The following ANO6 variants were observed in gnomAD, a reference collection of about 807,000 sequenced individuals.
The protein encoded by ANO6 is anoctamin 6, also known as anoctamin-6.
ANO6 carries 106 observed loss-of-function variants against 117.5 expected under a neutral mutation model. The observed-to-expected ratio is 0.90, with a 90% CI of 0.77 to 1.06. ANO6 has a LOEUF of 1.06. Among genes scored for constraint, ANO6 ranks in the 50% least tolerant of loss-of-function variants. ANO6 has a pLI of 0.00. For missense variants in ANO6, 955 were observed against 1,121.1 expected (o/e 0.85, Z 2.12); for synonymous variants, 367 against 385.1 (o/e 0.95, Z 0.55).
intron 1 of ANO6, among the ~76,000 whole-genome samples, chr12:45,245,862 A>G (rs1191516873): frequency 1.3e-5 from 2 of 151,640 alleles, no homozygotes; most frequent in Admixed American, 6.6e-5. Context: ...GCTGATTACT[A>G]TGTCTATAGA....
In ANO6 at chr12:45,409,448, A is replaced by C; in HGVS notation, c.1972A>C (p.Met658Leu). ...GGAACAGGACTACCATCTGCAGCCT[A>C]TGGGCAAACTGGGATTATTTTATGA... The part of the protein sequence containing the change: ...RWEQDYHLQP[M>L]GKLGLFYEYL... The change falls in exon 16 of 20, where the codon ATG becomes CTG. Residue 658 changes from methionine to leucine, a missense_variant. Physicochemically the swap from Met to Leu is conservative, Grantham distance 15. Coordinates refer to ENST00000320560, the MANE Select transcript of ANO6 (RefSeq NM_001025356.3). 1 of 1,614,070 alleles carries C rather than the reference A, an allele frequency of 6.2e-7. No individual in the cohort carries two copies. Among genetic ancestry groups the C allele is most frequent in the South Asian group, 1.1e-5 (1 of 91,086 alleles).
intron 10 of ANO6, among the ~76,000 whole-genome samples, chr12:45,384,505 G>T (rs775976000): frequency 6.6e-6 from 1 of 152,114 alleles, no homozygotes; most frequent in African/African-American, 2.4e-5. Context: ...GCTTTCACTT[G>T]AACACCTTGA....
intron 9 of ANO6, among the ~76,000 whole-genome samples, chr12:45,372,603 G>A (rs1168293161): frequency 1.3e-5 from 2 of 148,852 alleles, no homozygotes; most frequent in Non-Finnish European, 1.5e-5. Flanking sequence ...TTCATATCCA[G>A]CCAAACTAAG....
intron 2 of ANO6, among the ~76,000 whole-genome samples, chr12:45,317,367 A>T (rs1445254258): frequency 7.2e-6 from 1 of 139,420 alleles, no homozygotes; most frequent in Admixed American, 7.8e-5. Flanking sequence ...TGAGAACATG[A>T]AGTGTTTGGT....
chr12:45,323,470 A>G (rs1260838534), intron 2 of ANO6, among the ~76,000 whole-genome samples: 2 of 152,236 alleles, frequency 1.3e-5, no homozygotes, highest in African/African-American at 4.8e-5. Flanking sequence ...AGCTATGTGA[A>G]TGTACCCAAC....
At chr12:45,366,076 A>G (rs760054531) in intron 8 of ANO6, among the ~76,000 whole-genome samples, 3 of 149,834 alleles carry the variant, frequency 2.0e-5, no homozygotes, top group African/African-American at 4.9e-5. Context: ...GCCTATCTGA[A>G]TGGCTTCTCC....
intron 1 of ANO6, among the ~76,000 whole-genome samples, chr12:45,241,222 CAT>C (rs1160758211): frequency 6.6e-6 from 1 of 152,206 alleles, no homozygotes; most frequent in Non-Finnish European, 1.5e-5. Context: ...CACATAGTCC[CAT>C]ATTTCTTGGA....
downstream of ANO6, among the ~76,000 whole-genome samples, chr12:45,433,586 C>T (rs1403444325): frequency 6.6e-6 from 1 of 152,200 alleles, no homozygotes; most frequent in African/African-American, 2.4e-5. Flanking sequence ...CTGTGGAGAA[C>T]TTCAGAACGG....
At chr12:45,350,900 G>T in intron 7 of ANO6, 126 bp downstream of exon 7, 2 of 763,670 alleles carry the variant, frequency 2.6e-6, no homozygotes, top group Non-Finnish European at 4.5e-6. Flanking sequence ...GCTGAGCTTC[G>T]TTGGCCAGGG....
At chr12:45,377,062 T>C (rs1173835500) in intron 9 of ANO6, among the ~76,000 whole-genome samples, 3 of 152,034 alleles carry the variant, frequency 2.0e-5, no homozygotes, top group African/African-American at 7.2e-5. Context: ...TACATGAGTA[T>C]GAAGAGCAAC....
chr12:45,257,721 C>A (rs922324402), intron 1 of ANO6, among the ~76,000 whole-genome samples: 3 of 152,208 alleles, frequency 2.0e-5, no homozygotes, highest in Admixed American at 6.5e-5. Flanking sequence ...TTTCAGCCTT[C>A]CAATCTCGTC....
At chr12:45,385,177 G>C in intron 10 of ANO6, among the ~76,000 whole-genome samples, 1 of 152,218 alleles carries the variant, frequency 6.6e-6, no homozygotes, top group East Asian at 1.9e-4. Flanking sequence ...TGACATTCCA[G>C]TGGGTATGAT....
intron 18 of ANO6, among the ~76,000 whole-genome samples, chr12:45,421,547 C>G (rs1943366481): frequency 6.6e-6 from 1 of 152,106 alleles, no homozygotes; most frequent in Non-Finnish European, 1.5e-5. Flanking sequence ...GTAAAACTTT[C>G]AGACCAAACC....
rs1196311938 is a variant in ANO6 at position 45,348,096 on chromosome 12, G to A, written c.414G>A (p.Glu138=). Residue 138 remains glutamate (E), a synonymous_variant, in exon 5 of 20, where the codon GAG becomes GAA. Coordinates refer to ENST00000320560, the MANE Select transcript of ANO6 (RefSeq NM_001025356.3). ...APWEVLCTYA[E]IMHIKLPLKP... ...GGGAGGTGTTATGTACGTATGCTGA[G>A]ATAATGCACATCAAATTGCCTCTGA... The A allele has an allele frequency of 1.9e-6, 3 of 1,613,958 alleles. No individual in the cohort carries two copies. Among genetic ancestry groups the A allele is most frequent in the Non-Finnish European group, 2.5e-6 (3 of 1,179,982 alleles).
intron 15 of ANO6, among the ~76,000 whole-genome samples, chr12:45,404,639 A>G (rs1313176331): frequency 2.0e-5 from 3 of 151,846 alleles, no homozygotes; most frequent in African/African-American, 7.3e-5. Context: ...GTTTGTGACT[A>G]TCTTCTGTAG....
chr12:45,263,574 T>C lies in ANO6; in HGVS notation c.71-38440T>C, dbSNP rs149005743. Among the ~76,000 whole-genome samples, 184 of 152,214 alleles carry C rather than the reference T, an allele frequency of 1.2e-3. 1 individual carries two copies. The highest frequency in any genetic ancestry group is 4.3e-3 in the African/African-American group (180 of 41,514). ...CTGTGCTATTCTCAAGGTTAGGAGC[T>C]GCACCAAGGATTTCCATTGCCTGTT... On this transcript the variant is annotated intron_variant, in intron 1 of 19. Coordinates refer to ENST00000320560, the MANE Select transcript of ANO6 (RefSeq NM_001025356.3).
intron 9 of ANO6, among the ~76,000 whole-genome samples, chr12:45,369,711 T>C (rs1435694640): frequency 6.6e-6 from 1 of 152,206 alleles, no homozygotes; most frequent in African/African-American, 2.4e-5. Context: ...ATTTGTGTAT[T>C]CATTTACACA....
chr12:45,255,818 G>GGTTTTTTTTTTTTTT (rs749001458), intron 1 of ANO6, among the ~76,000 whole-genome samples: 6 of 81,712 alleles, frequency 7.3e-5, no homozygotes, highest in African/African-American at 2.7e-4. Context: ...CTCCCTGGGT[G>GGTTTTTTTTTTTTTT]TTTTTTTTTT....
chr12:45,366,722 A>G (rs1200197126), intron 8 of ANO6, among the ~76,000 whole-genome samples: 4 of 152,252 alleles, frequency 2.6e-5, no homozygotes, highest in South Asian at 2.1e-4. Context: ...ATTGATTATT[A>G]CAAATTGTGA....
Sources: allele counts gnomAD v4.1 joint callset (sites outside exome capture counted in the v4.1 genomes callset), GRCh38; gene constraint gnomAD v4.1.1; transcripts MANE v1.5; gene names NCBI Gene and HGNC (gene_info 2026-07-23, HGNC 2026-07-21).